The following TDRD5 variants were observed in gnomAD, a reference collection of about 807,000 sequenced individuals.
TDRD5 encodes tudor domain-containing protein 5.
Under a neutral mutation model 120.6 loss-of-function variants are expected in TDRD5, and 41 were observed. The ratio of observed to expected loss-of-function variants is 0.34; its 90% confidence interval spans 0.26 to 0.44. The LOEUF (loss-of-function observed/expected upper bound fraction) is 0.44, where lower values mean the gene tolerates loss of function less well. Ranked by LOEUF, TDRD5 falls within the 20% of genes least tolerant of loss-of-function variation. The pLI is 1.00. For missense variants in TDRD5, 1,006 were observed against 1,221.2 expected (o/e 0.82, Z 2.63); for synonymous variants, 430 against 433.7 (o/e 0.99, Z 0.11).
At chr1:179,690,651 A>T (rs773427541) in intron 17 of TDRD5, 45 bp from the exon 18 acceptor site, 2 of 1,590,294 alleles carry the variant, frequency 1.3e-6, no homozygotes, top group African/African-American at 2.7e-5. Flanking sequence ...GGCAGTGAGT[A>T]TGAGTACCCC....
At chr1:179,598,686 T>G (rs542762098) in intron 4 of TDRD5, among the ~76,000 whole-genome samples, 11 of 152,176 alleles carry the variant, frequency 7.2e-5, no homozygotes, top group African/African-American at 2.2e-4. Context: ...TTTTTTTTTT[T>G]TGGGTATGTT....
Position 179,593,874 on chromosome 1 carries a change from A to C in TDRD5, c.640+7A>C, listed in dbSNP as rs113681752. On this transcript the variant is annotated splice_region_variant and intron_variant, in intron 3 of 17. Transcript: ENST00000444136. Reference sequence around the variant, plus strand: ...CCGAGAGGATGTCCAGCAGGTACGCATGTGAGCAAATGTTGGAGCAGTCAT... The same window carrying C: ...CCGAGAGGATGTCCAGCAGGTACGCCTGTGAGCAAATGTTGGAGCAGTCAT... 28 of 1,608,094 alleles carry C rather than the reference A, an allele frequency of 1.7e-5. No individual in the cohort carries two copies. The highest frequency in any genetic ancestry group is 1.7e-4 in the African/African-American group (13 of 74,860).
chr1:179,607,596 T>C (rs1314347989), intron 4 of TDRD5, among the ~76,000 whole-genome samples: 4 of 152,002 alleles, frequency 2.6e-5, no homozygotes, highest in Admixed American at 2.0e-4. Context: ...TCAACCTATA[T>C]TTTTAACTTA....
intron 17 of TDRD5, among the ~76,000 whole-genome samples, chr1:179,679,315 C>G (rs539797637): frequency 6.6e-6 from 1 of 152,042 alleles, no homozygotes; most frequent in African/African-American, 2.4e-5. Flanking sequence ...GGATATTTGT[C>G]TATAGTTTTC....
intron 17 of TDRD5, among the ~76,000 whole-genome samples, chr1:179,675,365 C>T (rs1311162691): frequency 2.1e-5 from 3 of 142,490 alleles, no homozygotes; most frequent in African/African-American, 5.2e-5. Context: ...CTGCAAGCTC[C>T]GCCTCTTGGG....
At chr1:179,631,513 G>A (rs1677448630) in intron 7 of TDRD5, among the ~76,000 whole-genome samples, 1 of 152,200 alleles carries the variant, frequency 6.6e-6, no homozygotes, top group Non-Finnish European at 1.5e-5. Context: ...TGCATCAAAA[G>A]CTTTTTAGAA....
chr1:179,669,250 C>G lies in TDRD5; in HGVS notation c.2706C>G (p.Phe902Leu). Reference protein sequence around the residue: ...DSSTLPKLEEFCTSLTQSEQS... With the variant: ...DSSTLPKLEELCTSLTQSEQS... ...CCACACTGCCCAAATTGGAAGAATT[C>G]TGTACCTCTCTTACCCAGTCAGAGC... Residue 902 changes from phenylalanine to leucine, a missense_variant, in exon 17 of 18, where the codon TTC (phenylalanine) becomes TTG (leucine). Physicochemically the swap from Phe to Leu is conservative, Grantham distance 22. Around this residue, in one of 3 missense-constraint regions of TDRD5, gnomAD observed 403 missense variants for 448.1 expected, o/e 0.90. Coordinates refer to ENST00000444136, the MANE Select transcript of TDRD5 (RefSeq NM_001199085.3). 6.2e-7 allele frequency: 1 copy of G among 1,614,152 alleles called. No homozygotes were observed. Among genetic ancestry groups the G allele is most frequent in the Non-Finnish European group, 8.5e-7 (1 of 1,180,024 alleles).
intron 7 of TDRD5, 141 bp from the exon 8 acceptor site, chr1:179,634,316 T>C: frequency 1.2e-6 from 1 of 808,940 alleles, no homozygotes. Flanking sequence ...TTTGTATCTC[T>C]CATTTATCAT....
At chr1:179,627,928 A>AT (rs1677216037) in intron 6 of TDRD5, among the ~76,000 whole-genome samples, 1 of 152,220 alleles carries the variant, frequency 6.6e-6, no homozygotes, top group Non-Finnish European at 1.5e-5. Context: ...ATGAAAAGGA[A>AT]TTGACAGAAT....
Position 179,690,794 on chromosome 1 carries a change from T to C in TDRD5, c.2959T>C (p.Ser987Pro). The C allele has an allele frequency of 1.2e-6, 2 of 1,614,220 alleles. No homozygotes were observed. Among genetic ancestry groups the C allele is most frequent in the Non-Finnish European group, 1.7e-6 (2 of 1,180,028 alleles). The change falls in exon 18 of 18, where the codon TCT (serine) becomes CCT (proline). Residue 987 changes from serine to proline, a missense_variant. Around this residue, in one of 3 missense-constraint regions of TDRD5, gnomAD observed 403 missense variants for 448.1 expected, o/e 0.90. Coordinates refer to ENST00000444136, the MANE Select transcript of TDRD5 (RefSeq NM_001199085.3). ...DKRQESVDQL[S>P]LILSYECQIS... is the part of the protein sequence containing the mutation. ...GCGTCAAGAATCTGTAGACCAGCTG[T>C]CTTTGATTTTGTCTTATGAGTGCCA...
At chr1:179,624,228 A>G (rs1676996043) in intron 6 of TDRD5, among the ~76,000 whole-genome samples, 1 of 152,190 alleles carries the variant, frequency 6.6e-6, no homozygotes, top group African/African-American at 2.4e-5. Flanking sequence ...AAAATTTAAT[A>G]CCCATCCACA....
chr1:179,662,024 A>T (rs565823481), intron 14 of TDRD5, 80 bp from the exon 15 acceptor site: 1 of 1,354,982 alleles, frequency 7.4e-7, no homozygotes, highest in African/African-American at 1.5e-5. Context: ...GAGTCAGGAA[A>T]AAACTATAAA....
chr1:179,669,499 T>C (rs1421969759), intron 17 of TDRD5, 95 bp downstream of exon 17: 3 of 1,348,232 alleles, frequency 2.2e-6, no homozygotes, highest in Non-Finnish European at 3.1e-6. Context: ...TTGCAAAATA[T>C]ACCTTGAAAC....
intron 9 of TDRD5, among the ~76,000 whole-genome samples, chr1:179,639,395 T>A (rs1677921266): frequency 6.6e-6 from 1 of 152,034 alleles, no homozygotes; most frequent in Non-Finnish European, 1.5e-5. Context: ...ATAAAAAAAA[T>A]AACTATTGAC....
At chr1:179,629,276 T>C (rs1485459273) in intron 6 of TDRD5, among the ~76,000 whole-genome samples, 1 of 152,170 alleles carries the variant, frequency 6.6e-6, no homozygotes, top group Non-Finnish European at 1.5e-5. Context: ...CTGAAGCTTA[T>C]TCACTTTAAA....
chr1:179,593,486 A>C lies in TDRD5; in HGVS notation c.259A>C (p.Ile87Leu). ...CATTCCAGATGAATCTACCAAAGGA[A>C]TAGCAAGCTTAGTTGCAAAACAGAG... is the stretch of plus-strand genomic sequence containing the variant. ...KAIPDESTKGIASLVAKQRSS... is the reference protein window; with the variant it reads ...KAIPDESTKGLASLVAKQRSS... The change falls in exon 3 of 18, where the codon ATA (isoleucine) becomes CTA (leucine). Residue 87 changes from isoleucine to leucine, a missense_variant. Physicochemically the swap from Ile to Leu is conservative, Grantham distance 5. This residue lies in a region of TDRD5 where 445 missense variants were observed against 515.5 expected (regional missense o/e 0.86). Transcript: ENST00000444136. The C allele has an allele frequency of 6.2e-7, 1 of 1,613,552 alleles. No homozygotes were observed. The highest frequency in any genetic ancestry group is 8.5e-7 in the Non-Finnish European group (1 of 1,179,430).
At chr1:179,674,046 T>C (rs551017106) in intron 17 of TDRD5, among the ~76,000 whole-genome samples, 12 of 152,302 alleles carry the variant, frequency 7.9e-5, no homozygotes, top group African/African-American at 2.9e-4. Flanking sequence ...TATTTCTTTC[T>C]CTTGTCTGAT....
chr1:179,596,027 T>C (rs974507436), intron 4 of TDRD5, among the ~76,000 whole-genome samples: 2 of 152,168 alleles, frequency 1.3e-5, no homozygotes, highest in Non-Finnish European at 2.9e-5. Flanking sequence ...CTCCACAGTT[T>C]CCACTATTTT....
rs1167156592 is a variant in TDRD5 at position 179,593,484 on chromosome 1, G to A, written c.257G>A (p.Gly86Glu). 5 of 1,613,180 alleles carry A rather than the reference G, an allele frequency of 3.1e-6. No individual in the cohort carries two copies. Among genetic ancestry groups the A allele is most frequent in the Non-Finnish European group, 4.2e-6 (5 of 1,179,288 alleles). Residue 86 changes from glycine to glutamate, a missense_variant, in exon 3 of 18, where the codon GGA becomes GAA. Physicochemically the swap from Gly to Glu is moderately conservative, Grantham distance 98. Transcript: ENST00000444136. Reference protein sequence around the residue: ...LKAIPDESTKGIASLVAKQRS... With the variant: ...LKAIPDESTKEIASLVAKQRS... ...GCCATTCCAGATGAATCTACCAAAG[G>A]AATAGCAAGCTTAGTTGCAAAACAG... is the stretch of plus-strand genomic sequence containing the variant.
Sources: allele counts gnomAD v4.1 joint callset (sites outside exome capture counted in the v4.1 genomes callset), GRCh38; gene constraint gnomAD v4.1.1; regional missense constraint gnomAD v4.1.1; transcripts MANE v1.5; gene names NCBI Gene and HGNC (gene_info 2026-07-23, HGNC 2026-07-21).